Variants in SETX observed in about 807,000 individuals in gnomAD.
SETX encodes senataxin, also known as helicase senataxin.
Under a neutral mutation model 227.2 loss-of-function variants are expected in SETX, and 90 were observed. The observed-to-expected ratio is 0.40, with a 90% CI of 0.33 to 0.47. SETX has a LOEUF of 0.47. SETX is among the 20% of genes least tolerant of loss of function. The probability of loss-of-function intolerance (pLI) is 0.91; values close to 1 mark genes in which losing one functional copy is unlikely to be tolerated. For missense variants in SETX, 3,052 were observed against 3,181.5 expected, an observed-to-expected ratio of 0.96 and a Z score of 0.98; for synonymous variants, 1,210 against 1,113.2, an observed-to-expected ratio of 1.09 and a Z score of -1.73.
rs545072717 is a variant in SETX, at chr9:132,328,299, T to C, written c.3299A>G (p.Asn1100Ser). ...TTTCTCACCATCTTGAACTGAATTA[T>C]TATCGTCTGGATGATCTTGCCAAAC... ...FSVWQDHPDD[N>S]NSVQDGEKKC... Residue 1100 changes from asparagine to serine, a missense_variant, in exon 10 of 26, where the codon AAT (asparagine) becomes AGT (serine). By Grantham distance (46) the Asn-to-Ser change is conservative. Transcript: ENST00000224140. 4 of 1,614,098 alleles carry C rather than the reference T, an allele frequency of 2.5e-6. No homozygotes were observed. In the East Asian group the frequency reaches 8.9e-5, roughly 36 times the overall value.
At position 132,275,242 on chromosome 9, in the gene SETX, T is replaced by TA; in HGVS notation, c.7100+13dup. On this transcript the variant is annotated intron_variant, in intron 23 of 25. Coordinates refer to ENST00000224140, the MANE Select transcript of SETX (RefSeq NM_015046.7). ...TCAACAAGAAAATTGGAAATATTTA[T>TA]AAAAATGCCTCACCCTTTTCTATCG... The TA allele has an allele frequency of 6.2e-7, 1 of 1,612,952 alleles. No individual in the cohort carries two copies. Among genetic ancestry groups the TA allele is most frequent in the Non-Finnish European group, 8.5e-7 (1 of 1,179,116 alleles).
intron 10 of SETX, among the ~76,000 whole-genome samples, chr9:132,314,023 G>A (rs1449974512): frequency 4.6e-5 from 7 of 151,772 alleles, no homozygotes; most frequent in South Asian, 2.1e-4. Context: ...CCTCCGCCTC[G>A]TGGGTTCAAG....
Position 132,264,139 on chromosome 9 carries a change from A to C in SETX, c.*100T>G. ...TTTTCCATGTTTTCCAACAGCACAC[A>C]AACTCCTTACAAAAAACAAGCTTAT... is the stretch of plus-strand genomic sequence containing the variant. On this transcript the variant is annotated 3_prime_UTR_variant, in exon 26 of 26. Coordinates refer to ENST00000224140, the MANE Select transcript of SETX (RefSeq NM_015046.7). 1 of 1,550,776 alleles carries C rather than the reference A, an allele frequency of 6.4e-7. No individual in the cohort carries two copies. Among genetic ancestry groups the C allele is most frequent in the Non-Finnish European group, 8.8e-7 (1 of 1,134,996 alleles).
In SETX at chr9:132,264,043, T is replaced by C. The variant is rs1842507088; in HGVS notation, c.*196A>G. The C allele has an allele frequency of 3.0e-6, 2 of 668,270 alleles. No individual in the cohort carries two copies. The highest frequency in any genetic ancestry group is 3.8e-5 in the South Asian group (2 of 53,288). 41.4% of individuals were successfully genotyped at this position (668,270 alleles called of 1,614,324 possible). ...CAAGGACATTATTACGGATACACAA[T>C]GCCCTCTGAAAGCTTTTGCAAATGA... On this transcript the variant is annotated 3_prime_UTR_variant, in exon 26 of 26. Transcript: ENST00000224140.
intron 10 of SETX, among the ~76,000 whole-genome samples, chr9:132,315,841 C>T (rs1425589154): frequency 6.6e-6 from 1 of 152,144 alleles, no homozygotes; most frequent in Non-Finnish European, 1.5e-5. Context: ...CTCCTTCGTC[C>T]CTGATTCCAC....
At chr9:132,290,685 A>C (rs1844243100) in intron 15 of SETX, among the ~76,000 whole-genome samples, 2 of 151,720 alleles carry the variant, frequency 1.3e-5, no homozygotes, top group African/African-American at 4.8e-5. Flanking sequence ...GCTTGAATCC[A>C]GGAGTCTGAG....
At chr9:132,285,877 T>TAAAAAAAA in intron 18 of SETX, among the ~76,000 whole-genome samples, 1 of 112,616 alleles carries the variant, frequency 8.9e-6, no homozygotes, top group African/African-American at 3.6e-5. Context: ...AGACTCTGTC[T>TAAAAAAAA]CAAAAAAAAA....
At position 132,330,316 on chromosome 9, in the gene SETX, A is replaced by C. The variant is rs1847142823; in HGVS notation, c.1282T>G (p.Tyr428Asp). 6.2e-7 allele frequency: 1 copy of C among 1,612,458 alleles called. No individual in the cohort carries two copies. Among genetic ancestry groups the C allele is most frequent in the South Asian group, 1.1e-5 (1 of 90,984 alleles). Residue 428 changes from tyrosine to aspartate, a missense_variant, in exon 10 of 26, where the codon TAC becomes GAC. Tyr to Asp is a radical substitution (Grantham distance 160, BLOSUM62 -3). Transcript: ENST00000224140. ...AGATGATTAACAACCTGTGCTATGT[A>C]AGCCACACCCAAATCCTTAAGATCC... ...LMDLKDLGVA[Y>D]IAQVVNHLYS... is the part of the protein sequence containing the mutation.
Position 132,328,505 on chromosome 9 carries a change from C to T in SETX, c.3093G>A (p.Glu1031=). Residue 1031 remains glutamate, a synonymous_variant, in exon 10 of 26, where the codon GAG becomes GAA. Coordinates refer to ENST00000224140, the MANE Select transcript of SETX (RefSeq NM_015046.7). ...ATATTTTGTCCTGTTTAGTGAGTTT[C>T]TCAAGACTCAGGATTCTTTCATCAT... is the stretch of plus-strand genomic sequence containing the variant. ...DDDDERILSL[E]KLTKQDKICL... The T allele has an allele frequency of 6.2e-7, 1 of 1,613,896 alleles. No homozygotes were observed. Among genetic ancestry groups the T allele is most frequent in the Non-Finnish European group, 8.5e-7 (1 of 1,180,012 alleles).
intron 5 of SETX, among the ~76,000 whole-genome samples, chr9:132,339,818 T>C (rs780929770): frequency 7.9e-5 from 12 of 152,180 alleles, no homozygotes; most frequent in Non-Finnish European, 1.6e-4. Context: ...TTTCATCATG[T>C]TGGCCAGGCT....
At chr9:132,315,990 T>TA (rs1845944200) in intron 10 of SETX, among the ~76,000 whole-genome samples, 1 of 152,210 alleles carries the variant, frequency 6.6e-6, no homozygotes, top group African/African-American at 2.4e-5. Context: ...AACCAACTTT[T>TA]AAGTCTTCTG....
rs1195558589 is a variant in SETX at position 132,262,416 on chromosome 9, G to C, written c.*1823C>G. Reference sequence around the variant, plus strand: ...AAATGGGCACTTCATCAAGATAACAGGAAAGCAAACTTAAAGTAACGAGAT... The same window carrying C: ...AAATGGGCACTTCATCAAGATAACACGAAAGCAAACTTAAAGTAACGAGAT... On this transcript the variant is annotated 3_prime_UTR_variant, in exon 26 of 26. Coordinates refer to ENST00000224140, the MANE Select transcript of SETX (RefSeq NM_015046.7). 6.6e-6 allele frequency: 1 copy of C among 152,192 alleles called. No homozygotes were observed. The highest frequency in any genetic ancestry group is 1.9e-4 in the East Asian group (1 of 5,198). The allele number at this position is 152,192 out of a possible 1,614,324, so 9.4% of individuals were successfully genotyped here.
At chr9:132,286,225 G>A (rs1233579805) in intron 18 of SETX, among the ~76,000 whole-genome samples, 198 bp downstream of exon 18, 6 of 149,060 alleles carry the variant, frequency 4.0e-5, no homozygotes, top group African/African-American at 9.9e-5. Context: ...GGTGGTGCAC[G>A]CCTGTAATCC....
rs553898748 is a variant in SETX, at chr9:132,311,205, T to A, written c.5374+552A>T. Among the ~76,000 whole-genome samples, 9 of 152,122 alleles carry A rather than the reference T, an allele frequency of 5.9e-5. 1 individual carries two copies. In the South Asian group the frequency reaches 1.5e-3, roughly 25 times the overall value. On this transcript the variant is annotated intron_variant, in intron 11 of 25. Transcript: ENST00000224140. ...CGGTCTCGATCTCTTGACCTGGTGA[T>A]CCCCGCCCGCCTCGGCCTCCCAAAG... is the stretch of plus-strand genomic sequence containing the variant.
rs189459744 is a variant in SETX, at chr9:132,265,859, A to G, written c.7288-874T>C. On this transcript the variant is annotated intron_variant, in intron 25 of 25. Coordinates refer to ENST00000224140, the MANE Select transcript of SETX (RefSeq NM_015046.7). Reference sequence around the variant, plus strand: ...CTGAGTGCATGTGACTATTCTAGAAAAAGGCCCAAGGCTTTCACTGGATTT... The same window carrying G: ...CTGAGTGCATGTGACTATTCTAGAAGAAGGCCCAAGGCTTTCACTGGATTT... 9.9e-5 allele frequency among the ~76,000 whole-genome samples: 15 copies of G among 152,272 alleles called. No individual in the cohort carries two copies. In the East Asian group the frequency reaches 2.9e-3, roughly 29 times the overall value.
Position 132,336,477 on chromosome 9 carries a change from C to T in SETX, c.537G>A (p.Gly179=), listed in dbSNP as rs781337352. The change falls in exon 6 of 26, where the codon GGG becomes GGA. Residue 179 remains glycine (G), a synonymous_variant. Coordinates refer to ENST00000224140, the MANE Select transcript of SETX (RefSeq NM_015046.7). The part of the protein sequence containing the change: ...RWAILTARNL[G]KVDRDDYYDL... Reference sequence around the variant, plus strand: ...CATAATAATCATCTCTGTCCACTTTCCCCAAGTTTCTTGCAGTCAAGATAG... The same window carrying T: ...CATAATAATCATCTCTGTCCACTTTTCCCAAGTTTCTTGCAGTCAAGATAG... The T allele has an allele frequency of 5.0e-6, 8 of 1,613,994 alleles. No homozygotes were observed. The South Asian group carries it at 8.8e-5, about 18-fold the overall frequency.
Position 132,329,930 on chromosome 9 carries a change from C to T in SETX, c.1668G>A (p.Lys556=), listed in dbSNP as rs1328865930. ...GYQLGQQSLC[K]RFWDKLNLFL... is the part of the protein sequence containing the mutation. ...ATAAGTTGAGCTTATCCCAGAATCGCTTGCAAAGAGACTGCTGCCCAAGCT... is the reference window on the plus strand; with the variant it reads ...ATAAGTTGAGCTTATCCCAGAATCGTTTGCAAAGAGACTGCTGCCCAAGCT... The change falls in exon 10 of 26, where the codon AAG becomes AAA. Residue 556 remains lysine (K), a synonymous_variant. Transcript: ENST00000224140. The T allele has an allele frequency of 6.2e-7, 1 of 1,614,180 alleles. No homozygotes were observed. The highest frequency in any genetic ancestry group is 1.7e-5 in the Admixed American group (1 of 60,020).
intron 10 of SETX, among the ~76,000 whole-genome samples, chr9:132,325,960 C>G (rs1397537579): frequency 6.6e-6 from 1 of 151,190 alleles, no homozygotes; most frequent in African/African-American, 2.4e-5. Context: ...AAAGTGTTTC[C>G]TCTGTATTGC....
chr9:132,292,861 T>C (rs1041022854), intron 15 of SETX, among the ~76,000 whole-genome samples: 8 of 152,048 alleles, frequency 5.3e-5, no homozygotes, highest in African/African-American at 1.9e-4. Flanking sequence ...ATGGTTTCGA[T>C]CTCCTGACCT....
Sources: allele counts gnomAD v4.1 joint callset (sites outside exome capture counted in the v4.1 genomes callset), GRCh38; gene constraint gnomAD v4.1.1; transcripts MANE v1.5; gene names NCBI Gene and HGNC (gene_info 2026-07-23, HGNC 2026-07-21).